ABCA10: variants seen among roughly 807,000 people sequenced by gnomAD.
ABCA10 encodes ATP binding cassette subfamily A member 10.
In ABCA10, 169 loss-of-function variants were observed where a neutral mutation model predicts 187.5. That is an observed-to-expected ratio of 0.90 (90% CI 0.80 to 1.02). ABCA10 has a LOEUF of 1.02. Among genes scored for constraint, ABCA10 ranks in the 50% least tolerant of loss-of-function variants. ABCA10 has a pLI of 0.00. For missense variants in ABCA10, 1,727 were observed against 1,812.4 expected (o/e 0.95, Z 0.86); for synonymous variants, 574 against 601.8 (o/e 0.95, Z 0.68).
At chr17:69,231,302 ATT>A (rs2074830424), upstream of ABCA10, among the ~76,000 whole-genome samples, 1 of 151,988 alleles carries the variant, frequency 6.6e-6, no homozygotes, top group African/African-American at 2.4e-5. Flanking sequence ...TGTCTCTTTC[ATT>A]CTACTAATTT....
chr17:69,150,265 TTAAAGA>T (rs1474788490), intron 36 of ABCA10: 2 of 472,970 alleles, frequency 4.2e-6, no homozygotes, highest in Non-Finnish European at 7.5e-6. Flanking sequence ...TAATTTTATG[TTAAAGA>T]TAAATTCTGA....
rs9916164 is a variant in ABCA10, at chr17:69,209,658, T to C, written c.1006+5046A>G. Among the ~76,000 whole-genome samples, 674 of 152,270 alleles carry C rather than the reference T, an allele frequency of 4.4e-3. 6 individuals are homozygous for C. The highest frequency in any genetic ancestry group is 0.016 in the African/African-American group (647 of 41,544). The stretch of plus-strand genomic sequence containing the variant: ...AAATTATGTGTGAGGAAAACATAGA[T>C]TTTTTATGGAGCTAAATAAGTACAG... On this transcript the variant is annotated intron_variant, in intron 9 of 38. Coordinates refer to ENST00000690296, the MANE Select transcript of ABCA10 (RefSeq NM_001377321.1).
chr17:69,195,555 T>TTTTTTC lies in ABCA10; in HGVS notation c.1235-1061_1235-1060insGAAAAA, dbSNP rs1491508041. On this transcript the variant is annotated intron_variant, in intron 11 of 38. Transcript: ENST00000690296. The stretch of plus-strand genomic sequence containing the variant: ...GCATTATCAAACAATGAAGTTTTTC[T>TTTTTTC]TTTTTTTTTTTTTTTTTAGTATTTA... Among the ~76,000 whole-genome samples, 7 of 1,260 alleles carry TTTTTTC rather than the reference T, an allele frequency of 5.6e-3. No individual in the cohort carries two copies. The East Asian group carries it at 0.076, about 14-fold the overall frequency. 0.8% of individuals were successfully genotyped at this position (1,260 alleles called of 152,430 possible).
intron 34 of ABCA10, among the ~76,000 whole-genome samples, chr17:69,152,971 G>A (rs2074142117): frequency 6.6e-6 from 1 of 151,836 alleles, no homozygotes; most frequent in African/African-American, 2.4e-5. Flanking sequence ...AAGAAAAGTA[G>A]GAAAGTTGGA....
At chr17:69,229,980 T>A (rs959921004), upstream of ABCA10, among the ~76,000 whole-genome samples, 1 of 152,052 alleles carries the variant, frequency 6.6e-6, no homozygotes, top group Non-Finnish European at 1.5e-5. Flanking sequence ...CTAAAATTCA[T>A]GTTAAAATTT....
In ABCA10 at chr17:69,150,206, ACAGATT is replaced by A. The variant is rs573631000; in HGVS notation, c.4398-149_4398-144del. 9.1e-4 allele frequency: 497 copies of A among 548,280 alleles called. 2 individuals carry two copies. Among genetic ancestry groups the A allele is most frequent in the South Asian group, 2.7e-3 (89 of 32,820 alleles). The allele number at this position is 548,280 out of a possible 1,614,324, so 34.0% of individuals were successfully genotyped here. On this transcript the variant is annotated intron_variant, in intron 36 of 38. Coordinates refer to ENST00000690296, the MANE Select transcript of ABCA10 (RefSeq NM_001377321.1). ...ATATAGCATGAATCAGTGTGAAATT[ACAGATT>A]CAATCATAAAAAAAGTTATAACAAC...
At chr17:69,240,040 CT>C (rs1373024251) in intron 1 of ABCA10, among the ~76,000 whole-genome samples, 7 of 152,160 alleles carry the variant, frequency 4.6e-5, no homozygotes. Context: ...TAAGAACCAT[CT>C]CTTGGGATTC....
At chr17:69,163,676 T>C (rs2074235050) in intron 27 of ABCA10, among the ~76,000 whole-genome samples, 1 of 152,220 alleles carries the variant, frequency 6.6e-6, no homozygotes, top group Non-Finnish European at 1.5e-5. Context: ...AACATTTATA[T>C]TCGCTTTCAT....
At chr17:69,201,729 A>G (rs2074547238) in intron 9 of ABCA10, 61 bp from the exon 10 acceptor site, 1 of 1,308,870 alleles carries the variant, frequency 7.6e-7, no homozygotes, top group Admixed American at 2.6e-5. Context: ...AAAAAGGGAC[A>G]TCTGTCCTTT....
At chr17:69,174,141 C>T in intron 25 of ABCA10, 140 bp downstream of exon 25, 1 of 530,542 alleles carries the variant, frequency 1.9e-6, no homozygotes. Flanking sequence ...AAACATGGTA[C>T]AACAATAATG....
At position 69,185,572 on chromosome 17, in the gene ABCA10, G is replaced by A. The variant is rs1342098121; in HGVS notation, c.2402C>T (p.Thr801Ile). ...EKIMYKVTRE[T>I]HCWEFSPSMY... The stretch of plus-strand genomic sequence containing the variant: ...ACTGGGTGAAAACTCCCAACAATGA[G>A]TTTCACGAGTTACTTTATACATTAT... Residue 801 changes from threonine to isoleucine, a missense_variant, in exon 20 of 39, where the codon ACT (threonine) becomes ATT (isoleucine). By Grantham distance (89) the Thr-to-Ile change is moderately conservative. Coordinates refer to ENST00000690296, the MANE Select transcript of ABCA10 (RefSeq NM_001377321.1). 3.7e-6 allele frequency: 6 copies of A among 1,612,622 alleles called. No individual in the cohort carries two copies. The African/African-American group carries it at 4.0e-5, about 11-fold the overall frequency.
At chr17:69,162,925 A>G (rs2074229018) in intron 27 of ABCA10, among the ~76,000 whole-genome samples, 1 of 151,392 alleles carries the variant, frequency 6.6e-6, no homozygotes, top group Non-Finnish European at 1.5e-5. Flanking sequence ...TGCAACCTCC[A>G]TCTCCTGGCT....
At chr17:69,151,563 G>A (rs925582238) in intron 36 of ABCA10, among the ~76,000 whole-genome samples, 1 of 152,078 alleles carries the variant, frequency 6.6e-6, no homozygotes, top group African/African-American at 2.4e-5. Flanking sequence ...ACACATGGTT[G>A]ACCACATACA....
intron 11 of ABCA10, chr17:69,196,394 G>A (rs555901310): frequency 4.0e-5 from 7 of 177,178 alleles, no homozygotes; most frequent in East Asian, 1.8e-4. Flanking sequence ...GGGCAGGGGC[G>A]CTCCTCACAT....
At chr17:69,161,241 G>A (rs931757106) in intron 27 of ABCA10, among the ~76,000 whole-genome samples, 23 of 152,100 alleles carry the variant, frequency 1.5e-4, no homozygotes, top group East Asian at 3.8e-4. Context: ...GGTGATTACC[G>A]GTTTGGGCAA....
At position 69,191,213 on chromosome 17, in the gene ABCA10, T is replaced by C. The variant is rs1458955793; in HGVS notation, c.1974A>G (p.Val658=). Residue 658 remains valine, a synonymous_variant, in exon 17 of 39, where the codon GTA becomes GTG. Coordinates refer to ENST00000690296, the MANE Select transcript of ABCA10 (RefSeq NM_001377321.1). ...KLTTESEEKL[V]YSLPLEKTNK... is the part of the protein sequence containing the mutation. Reference sequence around the variant, plus strand: ...TCGTTTTTTCCAAAGGCAAACTATATACAAGTTTTTCTTCACTTTCTGTTG... The same window carrying C: ...TCGTTTTTTCCAAAGGCAAACTATACACAAGTTTTTCTTCACTTTCTGTTG... 12 of 1,603,836 alleles carry C rather than the reference T, an allele frequency of 7.5e-6. No homozygotes were observed. Among genetic ancestry groups the C allele is most frequent in the African/African-American group, 1.3e-5 (1 of 74,700 alleles).
intron 35 of ABCA10, 49 bp downstream of exon 35, chr17:69,152,313 C>G: frequency 6.3e-7 from 1 of 1,587,416 alleles, no homozygotes; most frequent in Non-Finnish European, 8.6e-7. Context: ...AACTGAAACT[C>G]TCTCTATAAG....
In ABCA10 at chr17:69,192,713, C is replaced by T. The variant is rs537385256; in HGVS notation, c.1781-60G>A. 7 of 1,396,842 alleles carry T rather than the reference C, an allele frequency of 5.0e-6. No individual in the cohort carries two copies. In the Middle Eastern group the frequency reaches 5.4e-4, roughly 108 times the overall value. The allele number at this position is 1,396,842 out of a possible 1,614,324, so 86.5% of individuals were successfully genotyped here. The stretch of plus-strand genomic sequence containing the variant: ...AGAGTAATTCCTTATATGGTATATT[C>T]TCTACTTTGGATACTAAAACACTGA... On this transcript the variant is annotated intron_variant, in intron 15 of 38. Coordinates refer to ENST00000690296, the MANE Select transcript of ABCA10 (RefSeq NM_001377321.1).
At position 69,201,535 on chromosome 17, in the gene ABCA10, C is replaced by T. The variant is rs532360977; in HGVS notation, c.1140G>A (p.Pro380=). ...PEHSSDDSFE[P]VSPEFHGKEA... ...CTTTTCCATGGAATTCTGGAGACAC[C>T]GGTTCAAAAGAATCATCAGAGGAAT... The change falls in exon 10 of 39, where the codon CCG becomes CCA. Residue 380 remains proline, a synonymous_variant. Coordinates refer to ENST00000690296, the MANE Select transcript of ABCA10 (RefSeq NM_001377321.1). 32 of 1,603,762 alleles carry T rather than the reference C, an allele frequency of 2.0e-5. No individual in the cohort carries two copies. The highest frequency in any genetic ancestry group is 4.0e-5 in the African/African-American group (3 of 74,420).
Sources: allele counts gnomAD v4.1 joint callset (sites outside exome capture counted in the v4.1 genomes callset), GRCh38; gene constraint gnomAD v4.1.1; transcripts MANE v1.5; gene names NCBI Gene and HGNC (gene_info 2026-07-23, HGNC 2026-07-21).